Variants in ZC3H12B observed in about 807,000 individuals in gnomAD.
The protein encoded by ZC3H12B is probable ribonuclease ZC3H12B.
In ZC3H12B, 7 loss-of-function variants were observed where a neutral mutation model predicts 43.9. The observed-to-expected ratio is 0.16, with a 90% CI of 0.09 to 0.30. The LOEUF (loss-of-function observed/expected upper bound fraction) is 0.30. Among genes scored for constraint, ZC3H12B ranks in the 10% least tolerant of loss-of-function variants. ZC3H12B has a pLI of 1.00. For missense variants in ZC3H12B, 475 were observed against 670.2 expected (o/e 0.71, Z 3.22); for synonymous variants, 222 against 241.7 (o/e 0.92, Z 0.76).
intron 3 of ZC3H12B, among the ~76,000 whole-genome samples, chrX:65,403,342 A>C (rs1197196179): frequency 9.0e-6 from 1 of 111,692 alleles, no homozygotes; most frequent in Non-Finnish European, 1.9e-5. Flanking sequence ...AACAGCCTCA[A>C]AATGTCAAAG....
the ZC3H12B span, among the ~76,000 whole-genome samples, chrX:65,216,293 A>G: frequency 1.8e-5 from 2 of 111,365 alleles, no homozygotes; most frequent in Non-Finnish European, 3.8e-5. Context: ...TCAAGCACTG[A>G]GAGAGTATAT....
the ZC3H12B span, among the ~76,000 whole-genome samples, chrX:65,200,628 G>A: frequency 9.3e-6 from 1 of 107,679 alleles, no homozygotes; most frequent in African/African-American, 3.4e-5. Context: ...TAGAGATGAG[G>A]ATTCACCATA....
the ZC3H12B span, among the ~76,000 whole-genome samples, chrX:65,338,518 G>T: frequency 8.9e-6 from 1 of 111,857 alleles, no homozygotes; most frequent in Non-Finnish European, 1.9e-5. Flanking sequence ...ACTCTACAAA[G>T]CCAGAATTAC....
At chrX:65,343,097 C>A in the ZC3H12B span, among the ~76,000 whole-genome samples, 1 of 110,618 alleles carries the variant, frequency 9.0e-6, no homozygotes, top group African/African-American at 3.3e-5. Flanking sequence ...ACACATACAC[C>A]CTCCCAAAAC....
chrX:65,044,824 A>G, the ZC3H12B span, among the ~76,000 whole-genome samples: 1 of 110,809 alleles, frequency 9.0e-6, no homozygotes, highest in African/African-American at 3.3e-5. Flanking sequence ...TCAGTTTCCT[A>G]GTACATATAA....
At chrX:65,264,271 A>T in the ZC3H12B span, among the ~76,000 whole-genome samples, 1 of 111,907 alleles carries the variant, frequency 8.9e-6, no homozygotes, top group South Asian at 3.7e-4. Context: ...CAGTTCATCC[A>T]TGTGAACAAA....
At chrX:65,352,497 A>G in the ZC3H12B span, among the ~76,000 whole-genome samples, 2 of 111,232 alleles carry the variant, frequency 1.8e-5, no homozygotes, top group African/African-American at 6.5e-5. Flanking sequence ...GAAAAAGAAA[A>G]TAAGGGAAGT....
chrX:65,158,432 CTGT>C, the ZC3H12B span, among the ~76,000 whole-genome samples: 392 of 111,712 alleles, frequency 3.5e-3, 2 homozygotes, highest in African/African-American at 0.012. Flanking sequence ...TCTCCAGCAC[CTGT>C]TGTTTCCTGA....
intron 3 of ZC3H12B, among the ~76,000 whole-genome samples, chrX:65,453,359 CATATATATATATATATATATAT>C (rs1159840122): frequency 4.0e-4 from 11 of 27,175 alleles, no homozygotes; most frequent in Admixed American, 1.3e-3. Flanking sequence ...AGCTCAAATG[CATATATATATATATATATATAT>C]ATATATATAT....
chrX:65,397,694 G>A (rs1221767914), intron 2 of ZC3H12B, among the ~76,000 whole-genome samples: 4 of 111,496 alleles, frequency 3.6e-5, no homozygotes, highest in Non-Finnish European at 7.5e-5. Flanking sequence ...GGGAAAACCT[G>A]AAAGCCTTTC....
the ZC3H12B span, among the ~76,000 whole-genome samples, chrX:65,245,801 C>T: frequency 1.8e-5 from 2 of 111,126 alleles, no homozygotes; most frequent in Non-Finnish European, 3.8e-5. Flanking sequence ...ATGATGCCTT[C>T]TCTCACCACT....
At chrX:65,215,527 T>G in the ZC3H12B span, among the ~76,000 whole-genome samples, 3 of 110,357 alleles carry the variant, frequency 2.7e-5, no homozygotes, top group South Asian at 1.1e-3. Flanking sequence ...CTTCATAGAG[T>G]TGGAGAGAGT....
chrX:65,243,147 C>A, the ZC3H12B span, among the ~76,000 whole-genome samples: 1 of 111,835 alleles, frequency 8.9e-6, no homozygotes, highest in Non-Finnish European at 1.9e-5. Context: ...AGGTATTAAG[C>A]TTCTGCACAG....
At chrX:65,146,158 T>G in the ZC3H12B span, among the ~76,000 whole-genome samples, 1 of 111,070 alleles carries the variant, frequency 9.0e-6, no homozygotes, top group Admixed American at 9.6e-5. Flanking sequence ...CCCAGGGTTT[T>G]GGGGGTCTTT....
chrX:65,235,481 G>A, the ZC3H12B span, among the ~76,000 whole-genome samples: 2 of 111,234 alleles, frequency 1.8e-5, no homozygotes, highest in Non-Finnish European at 3.8e-5. Flanking sequence ...TCACCAGCTG[G>A]AAATCTCTCC....
intron 3 of ZC3H12B, among the ~76,000 whole-genome samples, chrX:65,440,153 G>C (rs1281929695): frequency 9.0e-6 from 1 of 111,502 alleles, no homozygotes; most frequent in Non-Finnish European, 1.9e-5. Flanking sequence ...CGTAACTAAA[G>C]CCTCCAGTTT....
exon 5 of ZC3H12B, chrX:65,503,406 A>T (rs1602547306): frequency 1.0e-5 from 4 of 384,598 alleles, no homozygotes. Context: ...AAGGTCAGTG[A>T]AATTAAGTGG....
intron 2 of ZC3H12B, among the ~76,000 whole-genome samples, chrX:65,498,378 T>G (rs764839744): frequency 2.7e-5 from 3 of 111,855 alleles, no homozygotes; most frequent in Non-Finnish European, 5.6e-5. Flanking sequence ...TGAATGGCTG[T>G]CTGAGCTGTG....
At chrX:65,333,295 C>T in the ZC3H12B span, among the ~76,000 whole-genome samples, 23 of 112,038 alleles carry the variant, frequency 2.1e-4, no homozygotes, top group Non-Finnish European at 3.9e-4. Flanking sequence ...TAACCAGTTT[C>T]TCCAACTGTG....
Sources: gnomAD v4.1 joint callset for allele counts (sites outside exome capture counted in the v4.1 genomes callset) on GRCh38, gnomAD v4.1.1 for gene constraint, MANE v1.5 for transcripts, NCBI Gene and HGNC (gene_info 2026-07-23, HGNC 2026-07-21) for gene names.